The following CAMTA1 variants were observed in gnomAD, a reference collection of about 807,000 sequenced individuals.
The protein encoded by CAMTA1 is calmodulin-binding transcription activator 1.
Under a neutral mutation model 170.9 loss-of-function variants are expected in CAMTA1, and 27 were observed. The ratio of observed to expected loss-of-function variants is 0.16; its 90% CI spans 0.12 to 0.22. The LOEUF (loss-of-function observed/expected upper bound fraction) is 0.22. Ranked by LOEUF, CAMTA1 falls within the 10% of genes least tolerant of loss-of-function variation. The pLI is 1.00. For synonymous variants in CAMTA1, 833 were observed against 891.5 expected (o/e 0.93, Z 1.17); for missense variants, 1,619 against 2,217.2 (o/e 0.73, Z 5.42).
intron 6 of CAMTA1, among the ~76,000 whole-genome samples, chr1:7,583,465 A>G (rs543202947): frequency 6.6e-6 from 1 of 152,214 alleles, no homozygotes; most frequent in Admixed American, 6.5e-5. Flanking sequence ...GGTGTGACTA[A>G]CTGCTGGGGC....
chr1:7,717,607 C>T (rs1206116047), intron 11 of CAMTA1, among the ~76,000 whole-genome samples: 5 of 151,820 alleles, frequency 3.3e-5, no homozygotes, highest in African/African-American at 7.3e-5. Flanking sequence ...ATTAGCCAGG[C>T]GTGGTGGTGC....
In CAMTA1 at chr1:7,299,421, G is replaced by T. The variant is rs188062944; in HGVS notation, c.438+49795G>T. On this transcript the variant is annotated intron_variant, in intron 5 of 22. Transcript: ENST00000303635. The surrounding 1 kb of genome is among the most constrained non-coding windows in gnomAD (Gnocchi z 4.7). ...TGACTCAATATGAACTAAGCAGGGG[G>T]TGGGAGGTACAGACCACCCCAGTAA... Among the ~76,000 whole-genome samples the T allele has an allele frequency of 3.5e-4, 54 of 152,320 alleles. No homozygotes were observed. In the East Asian group the frequency reaches 6.0e-3, roughly 17 times the overall value.
At chr1:7,410,124 A>G (rs1557668319) in intron 5 of CAMTA1, among the ~76,000 whole-genome samples, 3 of 152,324 alleles carry the variant, frequency 2.0e-5, no homozygotes, top group Admixed American at 2.0e-4. Context: ...AGCAGTAAGG[A>G]TTTGTTACAG....
chr1:6,803,437 C>T (rs1423461946), intron 1 of CAMTA1, among the ~76,000 whole-genome samples: 1 of 152,052 alleles, frequency 6.6e-6, no homozygotes. Flanking sequence ...CTTGATTTTT[C>T]ATGGTAGAAG....
chr1:7,294,027 T>C (rs1219976152), intron 5 of CAMTA1, among the ~76,000 whole-genome samples: 1 of 152,220 alleles, frequency 6.6e-6, no homozygotes, highest in African/African-American at 2.4e-5. Flanking sequence ...CCCAGAATAA[T>C]CCAGGCTTTC....
intron 3 of CAMTA1, among the ~76,000 whole-genome samples, chr1:7,027,455 A>G (rs1200163100): frequency 1.3e-5 from 2 of 152,298 alleles, no homozygotes; most frequent in African/African-American, 4.8e-5. Flanking sequence ...AGATCAATAT[A>G]TGCCAGATCA....
intron 5 of CAMTA1, among the ~76,000 whole-genome samples, chr1:7,454,596 C>G (rs1193371428): frequency 6.6e-6 from 1 of 152,194 alleles, no homozygotes; most frequent in Non-Finnish European, 1.5e-5. Context: ...CAAGGCCAGG[C>G]ACCCCGACCT....
intron 4 of CAMTA1, among the ~76,000 whole-genome samples, chr1:7,246,896 G>A (rs1665899867): frequency 6.6e-6 from 1 of 152,032 alleles, no homozygotes; most frequent in African/African-American, 2.4e-5. Flanking sequence ...CCAAACTCCT[G>A]TCCTCAAGTG....
intron 3 of CAMTA1, among the ~76,000 whole-genome samples, chr1:6,964,361 G>A (rs1372732921): frequency 6.6e-6 from 1 of 151,880 alleles, no homozygotes; most frequent in Non-Finnish European, 1.5e-5. Context: ...AGGGCGCAGC[G>A]TCCTGGCTGT....
At chr1:7,142,546 G>A (rs1645948131) in intron 4 of CAMTA1, among the ~76,000 whole-genome samples, 2 of 152,336 alleles carry the variant, frequency 1.3e-5, no homozygotes, top group South Asian at 2.1e-4. Flanking sequence ...AGATGTTTGT[G>A]TCACGGGGTG....
chr1:7,493,339 GCACA>G (rs1181358753), intron 6 of CAMTA1, among the ~76,000 whole-genome samples: 9 of 142,662 alleles, frequency 6.3e-5, no homozygotes, highest in Non-Finnish European at 1.1e-4. Flanking sequence ...ACACACACAT[GCACA>G]CACAAACACA....
chr1:7,307,085 A>C (rs537812272), intron 5 of CAMTA1, among the ~76,000 whole-genome samples: 1 of 151,938 alleles, frequency 6.6e-6, no homozygotes, highest in Non-Finnish European at 1.5e-5. Context: ...AGGGACAACC[A>C]TATATCTCTC....
intron 1 of CAMTA1, among the ~76,000 whole-genome samples, chr1:6,800,546 AAAT>A (rs201586000): frequency 0.013 from 2,046 of 152,320 alleles, 43 homozygotes; most frequent in African/African-American, 0.046. Context: ...AAATAGACTT[AAAT>A]AATATATGAT....
At chr1:7,749,424 G>A (rs956328761) in intron 19 of CAMTA1, among the ~76,000 whole-genome samples, 3 of 152,054 alleles carry the variant, frequency 2.0e-5, no homozygotes, top group Non-Finnish European at 2.9e-5. Flanking sequence ...GCAGGGAGCC[G>A]CACTGGCTTC....
chr1:7,565,615 G>C lies in CAMTA1; in HGVS notation c.511-74785G>C, dbSNP rs1211785420. 2.0e-5 allele frequency among the ~76,000 whole-genome samples: 3 copies of C among 152,186 alleles called. No homozygotes were observed. Among genetic ancestry groups the C allele is most frequent in the African/African-American group, 7.2e-5 (3 of 41,434 alleles). On this transcript the variant is annotated intron_variant, in intron 6 of 22. Transcript: ENST00000303635. This position sits in a 1 kb window ranked among gnomAD's most constrained non-coding sequence, Gnocchi z 4.5. ...CCTACCTGACTGAGACCCCAGGAGA[G>C]CCAGGTCCTGCTCCTTTGGGGAGGC...
Position 7,477,824 on chromosome 1 carries a change from G to A in CAMTA1, c.510+9923G>A, listed in dbSNP as rs77613573. Reference sequence around the variant, plus strand: ...CTGCTATGTGGCCAGAGCCCTCTGGGGAGGGGCACCCTCTGCTCCCGCCGT... The same window carrying A: ...CTGCTATGTGGCCAGAGCCCTCTGGAGAGGGGCACCCTCTGCTCCCGCCGT... On this transcript the variant is annotated intron_variant, in intron 6 of 22. Transcript: ENST00000303635. Among the ~76,000 whole-genome samples the A allele has an allele frequency of 4.5e-3, 681 of 152,270 alleles. 17 individuals carry two copies. The highest frequency in any genetic ancestry group is 0.038 in the East Asian group (197 of 5,164).
chr1:7,286,723 C>G lies in CAMTA1; in HGVS notation c.438+37097C>G, dbSNP rs1672399397. On this transcript the variant is annotated intron_variant, in intron 5 of 22. Transcript: ENST00000303635. The surrounding 1 kb of genome is among the most constrained non-coding windows in gnomAD (Gnocchi z 4.2). ...AATGACCCCAAATATCCCTGCCTAACAGTCAACAAGTTAGAGATTTGGGGA... is the reference window on the plus strand; with the variant it reads ...AATGACCCCAAATATCCCTGCCTAAGAGTCAACAAGTTAGAGATTTGGGGA... Among the ~76,000 whole-genome samples the G allele has an allele frequency of 6.6e-6, 1 of 152,174 alleles. No homozygotes were observed. The highest frequency in any genetic ancestry group is 2.1e-4 in the South Asian group (1 of 4,818).
chr1:6,843,772 G>T (rs564959182), intron 3 of CAMTA1, among the ~76,000 whole-genome samples: 1 of 152,142 alleles, frequency 6.6e-6, no homozygotes, highest in Non-Finnish European at 1.5e-5. Context: ...GAGCCACTGC[G>T]CCCGGCCCCA....
intron 6 of CAMTA1, among the ~76,000 whole-genome samples, chr1:7,618,399 C>T (rs1447551522): frequency 3.3e-5 from 5 of 152,206 alleles, no homozygotes; most frequent in African/African-American, 1.2e-4. Context: ...TCTATGCCCA[C>T]TCCTCTTTAT....
Sources: allele counts gnomAD v4.1 joint callset (sites outside exome capture counted in the v4.1 genomes callset), GRCh38; gene constraint gnomAD v4.1.1; non-coding constraint Gnocchi (gnomAD v3.1); transcripts MANE v1.5; gene names NCBI Gene and HGNC (gene_info 2026-07-23, HGNC 2026-07-21).